The following XRRA1 variants were observed in gnomAD, a reference collection of about 807,000 sequenced individuals.
XRRA1 encodes the protein X-ray radiation resistance associated 1, also known as X-ray radiation resistance-associated protein 1.
Under a neutral mutation model 80.2 loss-of-function variants are expected in XRRA1, and 69 were observed. The ratio of observed to expected loss-of-function variants is 0.86; its 90% CI spans 0.71 to 1.05. The LOEUF is 1.05. Ranked by LOEUF, XRRA1 falls within the 50% of genes least tolerant of loss-of-function variation. XRRA1 has a pLI of 0.00. For missense variants in XRRA1, 967 were observed against 976.4 expected (o/e 0.99, Z 0.13); for synonymous variants, 348 against 389.9 (o/e 0.89, Z 1.27).
intron 10 of XRRA1, among the ~76,000 whole-genome samples, chr11:74,877,288 A>G (rs371216420): frequency 5.9e-5 from 9 of 152,266 alleles, no homozygotes; most frequent in African/African-American, 1.9e-4. Context: ...AAGGGGGAAT[A>G]TATGTTTTTT....
chr11:74,897,468 T>C (rs966156055), intron 10 of XRRA1, among the ~76,000 whole-genome samples: 7 of 152,090 alleles, frequency 4.6e-5, no homozygotes, highest in Non-Finnish European at 1.0e-4. Flanking sequence ...ATCAGAGAAC[T>C]TCCCAAACCT....
intron 10 of XRRA1, among the ~76,000 whole-genome samples, chr11:74,902,585 A>T (rs1177338698): frequency 6.6e-6 from 1 of 152,240 alleles, no homozygotes; most frequent in Non-Finnish European, 1.5e-5. Flanking sequence ...CTATTCGGCC[A>T]TTAAAAAGAA....
In XRRA1 at chr11:74,858,048, G is replaced by C. The variant is rs191564951; in HGVS notation, c.1170+1110C>G. ...ACTAAAGTTATACTGCCTAAGATGC[G>C]AGAAAAAGAGGAGCAAATTAAAATC... On this transcript the variant is annotated intron_variant, in intron 12 of 18. Transcript: ENST00000684022. Among the ~76,000 whole-genome samples the C allele has an allele frequency of 1.6e-3, 245 of 152,226 alleles. 2 individuals carry two copies. The highest frequency in any genetic ancestry group is 6.8e-3 in the Middle Eastern group (2 of 292).
chr11:74,946,853 G>A (rs913913094), intron 1 of XRRA1, among the ~76,000 whole-genome samples: 6 of 151,606 alleles, frequency 4.0e-5, no homozygotes, highest in South Asian at 2.1e-4. Context: ...CCGGGCTCAC[G>A]CCATTCTCCT....
At chr11:74,878,647 G>A (rs1383260139) in intron 10 of XRRA1, among the ~76,000 whole-genome samples, 1 of 148,942 alleles carries the variant, frequency 6.7e-6, no homozygotes, top group Non-Finnish European at 1.5e-5. Flanking sequence ...TGTATAAGGT[G>A]TAAGGAAGGG....
chr11:74,891,546 C>T (rs1488843926), intron 10 of XRRA1, among the ~76,000 whole-genome samples: 1 of 152,184 alleles, frequency 6.6e-6, no homozygotes, highest in Non-Finnish European at 1.5e-5. Context: ...GTTGGAAGTT[C>T]TGGCCAGGGC....
At chr11:74,850,704 TTTTTG>T (rs1555016315) in intron 14 of XRRA1, among the ~76,000 whole-genome samples, 2 of 152,308 alleles carry the variant, frequency 1.3e-5, no homozygotes, top group East Asian at 1.9e-4. Context: ...GCTATTCTTT[TTTTTG>T]TTTTGTTTTG....
chr11:74,928,776 T>C (rs936299602), intron 6 of XRRA1, among the ~76,000 whole-genome samples: 3 of 152,296 alleles, frequency 2.0e-5, no homozygotes, highest in South Asian at 2.1e-4. Context: ...TGTGTTACTA[T>C]AGAATAATTT....
rs763461428 is a variant in XRRA1 at position 74,848,354 on chromosome 11, G to C, written c.1489C>G (p.Leu497Val). 29 of 1,613,800 alleles carry C rather than the reference G, an allele frequency of 1.8e-5. No individual in the cohort carries two copies. The Admixed American group carries it at 4.7e-4, about 26-fold the overall frequency. ...TTGGTAGTGGGCAGATCTTCAGCCA[G>C]CTCTGCCTCTGGCTCTAGCATATCC... Reference protein sequence around the residue: ...SKDMLEPEAELAEDLPTTKST... With the variant: ...SKDMLEPEAEVAEDLPTTKST... Residue 497 changes from leucine (L) to valine (V), a missense_variant, in exon 15 of 19, where the codon CTG (leucine) becomes GTG (valine). By Grantham distance (32) the Leu-to-Val change is conservative. Transcript: ENST00000684022.
In XRRA1 at chr11:74,939,190, A is replaced by G. The variant is rs146955147; in HGVS notation, c.94+1595T>C. The stretch of plus-strand genomic sequence containing the variant: ...ATCATGGTGAAACCCCATCTCTATA[A>G]AAAATACAAAAATTAGCTGGGCATG... On this transcript the variant is annotated intron_variant, in intron 3 of 18. Coordinates refer to ENST00000684022, the MANE Select transcript of XRRA1 (RefSeq NM_001378157.1). Among the ~76,000 whole-genome samples, 976 of 152,180 alleles carry G rather than the reference A, an allele frequency of 6.4e-3. 15 individuals are homozygous for G. Among genetic ancestry groups the G allele is most frequent in the Admixed American group, 0.046 (699 of 15,282 alleles).
chr11:74,841,095 T>C lies in XRRA1; in HGVS notation c.*2105A>G, dbSNP rs560822057. 3 of 152,270 alleles carry C rather than the reference T, an allele frequency of 2.0e-5. No homozygotes were observed. Among genetic ancestry groups the C allele is most frequent in the Non-Finnish European group, 4.4e-5 (3 of 68,030 alleles). The allele number at this position is 152,270 out of a possible 1,614,324, so 9.4% of individuals were successfully genotyped here. ...AATCTTGGAAAGTGATATATTTTGATTGGAATAATTTTAATTAAATTTAAT... is the reference window on the plus strand; with the variant it reads ...AATCTTGGAAAGTGATATATTTTGACTGGAATAATTTTAATTAAATTTAAT... On this transcript the variant is annotated 3_prime_UTR_variant, in exon 19 of 19. Transcript: ENST00000684022.
At chr11:74,936,669 A>G (rs1373714083) in intron 4 of XRRA1, among the ~76,000 whole-genome samples, 1 of 152,232 alleles carries the variant, frequency 6.6e-6, no homozygotes, top group Non-Finnish European at 1.5e-5. Flanking sequence ...AAAAGGGACG[A>G]CAATACCTAT....
Position 74,845,195 on chromosome 11 carries a change from G to A in XRRA1, c.1805C>T (p.Thr602Met), listed in dbSNP as rs749848299. The change falls in exon 16 of 19, where the codon ACG becomes ATG. Residue 602 changes from threonine (T) to methionine (M), a missense_variant. Physicochemically the swap from Thr to Met is moderately conservative, Grantham distance 81 (BLOSUM62 -1). Transcript: ENST00000684022. Reference protein sequence around the residue: ...LKEKDQKKPPTAPREVKGTRR... With the variant: ...LKEKDQKKPPMAPREVKGTRR... ...AGTCCCTTTCACCTCTCTGGGTGCC[G>A]TTGGTGGTTTCTTTTGGTCTTTCTC... The A allele has an allele frequency of 1.7e-5, 28 of 1,613,948 alleles. No individual in the cohort carries two copies. Among genetic ancestry groups the A allele is most frequent in the East Asian group, 2.2e-5 (1 of 44,894 alleles).
intron 12 of XRRA1, among the ~76,000 whole-genome samples, chr11:74,855,626 A>G (rs1478858456): frequency 6.6e-6 from 1 of 152,206 alleles, no homozygotes; most frequent in Admixed American, 6.5e-5. Context: ...AGAGTGTAAC[A>G]ATCTGTCACA....
intron 10 of XRRA1, among the ~76,000 whole-genome samples, chr11:74,886,357 A>G (rs2049013675): frequency 6.6e-6 from 1 of 152,228 alleles, no homozygotes; most frequent in Admixed American, 6.5e-5. Flanking sequence ...AAACAACTTC[A>G]GCAAAGTTTC....
Position 74,859,202 on chromosome 11 carries a change from G to C in XRRA1, c.1126C>G (p.Pro376Ala). Residue 376 changes from proline to alanine, a missense_variant, in exon 12 of 19, where the codon CCA becomes GCA. Coordinates refer to ENST00000684022, the MANE Select transcript of XRRA1 (RefSeq NM_001378157.1). ...AGGTATCTCAGCTCTGGGAAGGGTG[G>C]GGCCAGCGTCTGGTTCCTGGCCTTC... is the stretch of plus-strand genomic sequence containing the variant. Reference protein sequence around the residue: ...SLKARNQTLAPPFPELRYLSL... With the variant: ...SLKARNQTLAAPFPELRYLSL... 8 of 1,609,586 alleles carry C rather than the reference G, an allele frequency of 5.0e-6. No homozygotes were observed. The highest frequency in any genetic ancestry group is 5.9e-6 in the Non-Finnish European group (7 of 1,178,228).
rs192378719 is a variant in XRRA1, at chr11:74,858,361, G to A, written c.1170+797C>T. Among the ~76,000 whole-genome samples, 14 of 152,312 alleles carry A rather than the reference G, an allele frequency of 9.2e-5. No homozygotes were observed. The East Asian group carries it at 2.7e-3, about 29-fold the overall frequency. On this transcript the variant is annotated intron_variant, in intron 12 of 18. Coordinates refer to ENST00000684022, the MANE Select transcript of XRRA1 (RefSeq NM_001378157.1). ...TATCCACATGCAAAAGAATGAAGCC[G>A]ATGCCTGTCTCACACTATATATAAA...
intron 10 of XRRA1, among the ~76,000 whole-genome samples, chr11:74,891,194 G>A (rs973168779): frequency 6.6e-6 from 1 of 152,124 alleles, no homozygotes; most frequent in Non-Finnish European, 1.5e-5. Flanking sequence ...ACATCAAAAA[G>A]CTTATCCACC....
At chr11:74,879,312 T>G (rs1355475649) in intron 10 of XRRA1, among the ~76,000 whole-genome samples, 4 of 152,082 alleles carry the variant, frequency 2.6e-5, no homozygotes, top group Non-Finnish European at 5.9e-5. Context: ...GTACATTGAC[T>G]TTGTATCCTG....
Sources: allele counts gnomAD v4.1 joint callset (sites outside exome capture counted in the v4.1 genomes callset), GRCh38; gene constraint gnomAD v4.1.1; transcripts MANE v1.5; gene names NCBI Gene and HGNC (gene_info 2026-07-23, HGNC 2026-07-21).